ADGRL2: variants seen among roughly 807,000 people sequenced by gnomAD.
ADGRL2 encodes the protein calcium-independent alpha-latrotoxin receptor 2.
ADGRL2 carries 44 observed loss-of-function variants against 157.4 expected under a neutral mutation model. That is an observed-to-expected ratio of 0.28 (90% confidence interval 0.22 to 0.36). The LOEUF (loss-of-function observed/expected upper bound fraction) is 0.36. ADGRL2 is among the 10% of genes least tolerant of loss of function. ADGRL2 has a pLI of 1.00. For synonymous variants in ADGRL2, 585 were observed against 624.7 expected, an observed-to-expected ratio of 0.94 and a Z score of 0.95; for missense variants, 1,510 against 1,768.9, an observed-to-expected ratio of 0.85 and a Z score of 2.63.
chr1:81,395,322 T>A (rs988698920), intron 1 of ADGRL2, among the ~76,000 whole-genome samples: 7 of 152,160 alleles, frequency 4.6e-5, no homozygotes, highest in Non-Finnish European at 1.0e-4. Flanking sequence ...TGGCCACTTG[T>A]ATGTCTTTTT....
chr1:81,551,095 C>T (rs1037444976), intron 2 of ADGRL2, among the ~76,000 whole-genome samples: 4 of 152,116 alleles, frequency 2.6e-5, no homozygotes, highest in Non-Finnish European at 5.9e-5. Flanking sequence ...AAATTCTGAT[C>T]CTGCAAGTTG....
intron 3 of ADGRL2, among the ~76,000 whole-genome samples, chr1:81,660,148 T>C (rs1217979847): frequency 6.6e-6 from 1 of 152,192 alleles, no homozygotes; most frequent in Non-Finnish European, 1.5e-5. Flanking sequence ...TTTCTAAATA[T>C]GCCCATTTAA....
At chr1:81,953,559 T>C (rs1557989218) in intron 10 of ADGRL2, among the ~76,000 whole-genome samples, 1 of 152,220 alleles carries the variant, frequency 6.6e-6, no homozygotes. Context: ...CTGTGATATC[T>C]GTATATGTTA....
At chr1:81,462,161 A>C (rs959964976) in intron 2 of ADGRL2, among the ~76,000 whole-genome samples, 2 of 152,092 alleles carry the variant, frequency 1.3e-5, no homozygotes, top group African/African-American at 4.8e-5. Flanking sequence ...AAATGGACCA[A>C]TCACACTCTG....
At chr1:81,331,499 C>T (rs901903952) in intron 1 of ADGRL2, among the ~76,000 whole-genome samples, 36 of 152,004 alleles carry the variant, frequency 2.4e-4, no homozygotes, top group Non-Finnish European at 3.8e-4. Flanking sequence ...TGATTACTGT[C>T]GTACTGCTTT....
At chr1:81,952,731 A>G (rs1245194434) in intron 9 of ADGRL2, among the ~76,000 whole-genome samples, 1 of 138,998 alleles carries the variant, frequency 7.2e-6, no homozygotes, top group Admixed American at 7.1e-5. Flanking sequence ...TGGTTAAAAA[A>G]TTGACTTTTT....
intron 2 of ADGRL2, chr1:81,557,766 G>A (rs2080345957): frequency 6.7e-6 from 1 of 148,532 alleles, no homozygotes; most frequent in Admixed American, 6.6e-5. Context: ...GCGAAGTCTG[G>A]CCCCGGAGGG....
chr1:81,690,437 G>A (rs539000690), intron 3 of ADGRL2, among the ~76,000 whole-genome samples: 5 of 152,250 alleles, frequency 3.3e-5, no homozygotes, highest in South Asian at 2.1e-4. Flanking sequence ...TGGAGATTGC[G>A]GTGAGCCAAG....
intron 1 of ADGRL2, among the ~76,000 whole-genome samples, chr1:81,757,230 G>T (rs762974444): frequency 2.6e-5 from 4 of 152,114 alleles, no homozygotes; most frequent in Non-Finnish European, 4.4e-5. Context: ...GATTTGAAAG[G>T]GTCTGGAGGG....
intron 1 of ADGRL2, among the ~76,000 whole-genome samples, chr1:81,805,171 C>CAG (rs1324813399): frequency 6.6e-6 from 1 of 151,672 alleles, no homozygotes; most frequent in East Asian, 1.9e-4. Context: ...TTTATGTTTA[C>CAG]AGAGAGAACA....
intron 12 of ADGRL2, 61 bp downstream of exon 12, chr1:81,966,244 C>A: frequency 1.9e-6 from 3 of 1,603,490 alleles, no homozygotes; most frequent in Non-Finnish European, 2.6e-6. Flanking sequence ...CCTATTAATT[C>A]TAAAATGTAT....
upstream of ADGRL2, among the ~76,000 whole-genome samples, chr1:81,696,197 AT>A (rs907019964): frequency 1.8e-4 from 27 of 151,950 alleles, no homozygotes; most frequent in African/African-American, 6.0e-4. Context: ...GCATAGCAGA[AT>A]TTTTTTTCCC....
At chr1:81,549,535 A>C (rs1020268167) in intron 2 of ADGRL2, among the ~76,000 whole-genome samples, 1 of 152,224 alleles carries the variant, frequency 6.6e-6, no homozygotes, top group African/African-American at 2.4e-5. Flanking sequence ...ATTGCACACA[A>C]GATTGAAGTC....
At chr1:81,887,679 A>T (rs2094158959) in intron 2 of ADGRL2, among the ~76,000 whole-genome samples, 1 of 152,214 alleles carries the variant, frequency 6.6e-6, no homozygotes, top group Non-Finnish European at 1.5e-5. Flanking sequence ...GTAGCATTAT[A>T]TCATTATGTT....
chr1:81,475,908 G>A (rs774456179), intron 2 of ADGRL2, among the ~76,000 whole-genome samples: 4 of 152,138 alleles, frequency 2.6e-5, no homozygotes, highest in Non-Finnish European at 5.9e-5. Flanking sequence ...CTGCCACGGG[G>A]GCAAGTAGCA....
intron 1 of ADGRL2, among the ~76,000 whole-genome samples, chr1:81,725,154 G>A (rs1461381814): frequency 1.3e-4 from 19 of 146,688 alleles, no homozygotes; most frequent in Non-Finnish European, 1.0e-4. Flanking sequence ...GCAGTGAGCC[G>A]AGACTGTGCC....
At chr1:81,352,500 G>T (rs936592945) in intron 1 of ADGRL2, among the ~76,000 whole-genome samples, 2 of 152,148 alleles carry the variant, frequency 1.3e-5, no homozygotes, top group African/African-American at 2.4e-5. Context: ...TGCTAGTTCT[G>T]GGGGTTCTGG....
chr1:81,805,189 G>A (rs1169942344), intron 1 of ADGRL2, among the ~76,000 whole-genome samples: 2 of 151,826 alleles, frequency 1.3e-5, no homozygotes, highest in African/African-American at 4.8e-5. Flanking sequence ...ACATATCTTT[G>A]AATTTCTTTT....
intron 3 of ADGRL2, among the ~76,000 whole-genome samples, chr1:81,620,328 A>T (rs1396032894): frequency 6.6e-6 from 1 of 152,234 alleles, no homozygotes; most frequent in African/African-American, 2.4e-5. Flanking sequence ...TGTGAAATTT[A>T]AAAATGTAAG....
Sources: allele counts gnomAD v4.1 joint callset (sites outside exome capture counted in the v4.1 genomes callset), GRCh38; gene constraint gnomAD v4.1.1; transcripts MANE v1.5; gene names NCBI Gene and HGNC (gene_info 2026-07-23, HGNC 2026-07-21).